The following KITLG variants were observed in gnomAD, a reference collection of about 807,000 sequenced individuals.
KITLG encodes the protein KIT ligand, also known as c-Kit ligand.
A neutral mutation model predicts 34.1 loss-of-function variants in KITLG; 13 were observed. The ratio of observed to expected loss-of-function variants is 0.38; its 90% CI spans 0.25 to 0.61. The LOEUF is 0.61. KITLG is among the 20% of genes least tolerant of loss of function. The pLI is 0.60. For missense variants in KITLG, 292 were observed against 318.9 expected (o/e 0.92, Z 0.64); for synonymous variants, 110 against 104.0 (o/e 1.06, Z -0.35).
At chr12:88,553,607 C>T (rs544767967) in intron 1 of KITLG, among the ~76,000 whole-genome samples, 3 of 152,244 alleles carry the variant, frequency 2.0e-5, no homozygotes, top group African/African-American at 4.8e-5. Flanking sequence ...GGGTAGTTCT[C>T]GATTTTTGTT....
chr12:88,539,191 A>C (rs1566027637), intron 2 of KITLG, among the ~76,000 whole-genome samples: 1 of 152,076 alleles, frequency 6.6e-6, no homozygotes, highest in East Asian at 1.9e-4. Flanking sequence ...GAGGTCCCTA[A>C]ATCTCATGAG....
Position 88,580,321 on chromosome 12 carries a change from C to T in KITLG, c.-43G>A. 6.2e-7 allele frequency: 1 copy of T among 1,609,256 alleles called. No individual in the cohort carries two copies. Among genetic ancestry groups the T allele is most frequent in the Non-Finnish European group, 8.5e-7 (1 of 1,177,612 alleles). ...CGATCCAGCACAAACAGTGGTGTGG[C>T]GACTCCGTTTAGCTGTTCTGGAGCT... On this transcript the variant is annotated 5_prime_UTR_variant, in exon 1 of 10. Transcript: ENST00000644744.
intron 2 of KITLG, chr12:88,534,636 G>C: frequency 4.0e-6 from 2 of 498,876 alleles, no homozygotes; most frequent in South Asian, 3.0e-5. Flanking sequence ...CAAAATGCTG[G>C]GATTACAGTC....
chr12:88,513,407 T>A (rs970586892), intron 6 of KITLG, among the ~76,000 whole-genome samples: 4 of 151,300 alleles, frequency 2.6e-5, no homozygotes, highest in African/African-American at 9.7e-5. Context: ...AGTAAGGAAA[T>A]GGTGGATTAA....
chr12:88,518,065 C>G (rs1190691413), intron 4 of KITLG, among the ~76,000 whole-genome samples: 1 of 152,052 alleles, frequency 6.6e-6, no homozygotes, highest in Non-Finnish European at 1.5e-5. Flanking sequence ...GGCAAATAAC[C>G]TAACGTCGAC....
intron 1 of KITLG, among the ~76,000 whole-genome samples, chr12:88,547,770 T>C (rs1484052586): frequency 2.0e-5 from 3 of 152,190 alleles, no homozygotes; most frequent in Non-Finnish European, 2.9e-5. Flanking sequence ...AGAAATTCTG[T>C]TACTGGTCTT....
At chr12:88,514,823 G>A (rs1188145239) in intron 6 of KITLG, among the ~76,000 whole-genome samples, 3 of 151,580 alleles carry the variant, frequency 2.0e-5, no homozygotes, top group Non-Finnish European at 3.0e-5. Context: ...CCATTTATAA[G>A]TCCTAAGGGA....
intron 1 of KITLG, among the ~76,000 whole-genome samples, chr12:88,548,422 C>T (rs941053415): frequency 6.6e-6 from 1 of 151,262 alleles, no homozygotes. Context: ...CCACTGCACT[C>T]TAGCCTGGCG....
intron 6 of KITLG, among the ~76,000 whole-genome samples, chr12:88,512,513 A>G (rs753561517): frequency 6.6e-6 from 1 of 152,034 alleles, no homozygotes; most frequent in Non-Finnish European, 1.5e-5. Flanking sequence ...CCCAAATTTG[A>G]GGGAAAACAA....
At chr12:88,559,183 A>G (rs1414011291) in intron 1 of KITLG, among the ~76,000 whole-genome samples, 1 of 152,218 alleles carries the variant, frequency 6.6e-6, no homozygotes, top group Non-Finnish European at 1.5e-5. Context: ...CTAAACTATC[A>G]TGGCTGGAAA....
At chr12:88,540,381 T>A (rs532829436) in intron 2 of KITLG, among the ~76,000 whole-genome samples, 2 of 152,306 alleles carry the variant, frequency 1.3e-5, no homozygotes, top group East Asian at 3.9e-4. Context: ...CCACTAGATC[T>A]CAGCTTTCTA....
chr12:88,579,398 G>A (rs1410029425), intron 1 of KITLG, among the ~76,000 whole-genome samples: 1 of 152,116 alleles, frequency 6.6e-6, no homozygotes, highest in African/African-American at 2.4e-5. Context: ...CAATGGTGAA[G>A]AGAACTGTGG....
At chr12:88,567,882 T>C (rs1172024671) in intron 1 of KITLG, among the ~76,000 whole-genome samples, 1 of 152,202 alleles carries the variant, frequency 6.6e-6, no homozygotes, top group Non-Finnish European at 1.5e-5. Flanking sequence ...CTCAAAGTCA[T>C]ACAGTTTGAA....
At chr12:88,560,004 G>A (rs975058708) in intron 1 of KITLG, among the ~76,000 whole-genome samples, 5 of 152,194 alleles carry the variant, frequency 3.3e-5, no homozygotes, top group Non-Finnish European at 7.3e-5. Context: ...ATTTAAAACA[G>A]AGAACGTTAT....
In KITLG at chr12:88,507,036, A is replaced by G. The variant is rs761107987; in HGVS notation, c.706T>C (p.Tyr236His). 3.2e-6 allele frequency: 5 copies of G among 1,569,516 alleles called. No individual in the cohort carries two copies. The highest frequency in any genetic ancestry group is 4.4e-6 in the Non-Finnish European group (5 of 1,139,486). Residue 236 changes from tyrosine (Y) to histidine (H), a missense_variant, in exon 7 of 10, where the codon TAC becomes CAC. Around this residue, in one of 2 missense-constraint regions of KITLG, gnomAD observed 140 missense variants for 111.0 expected, o/e 1.26. Coordinates refer to ENST00000644744, the MANE Select transcript of KITLG (RefSeq NM_000899.5). Reference sequence around the variant, plus strand: ...GGAATGGTACCACTTACCTTCCAGTATAAGGCTCCAAAAGCAAAGCCAATT... The same window carrying G: ...GGAATGGTACCACTTACCTTCCAGTGTAAGGCTCCAAAAGCAAAGCCAATT... ...LIIGFAFGAL[Y>H]WKKRQPSLTR... is the part of the protein sequence containing the mutation.
At position 88,520,285 on chromosome 12, in the gene KITLG, C is replaced by G. The variant is rs1464055271; in HGVS notation, c.193-1418G>C. Among the ~76,000 whole-genome samples the G allele has an allele frequency of 3.9e-5, 6 of 152,308 alleles. 1 individual carries two copies. Among genetic ancestry groups the G allele is most frequent in the African/African-American group, 1.4e-4 (6 of 41,582 alleles). On this transcript the variant is annotated intron_variant, in intron 3 of 9. Transcript: ENST00000644744. ...TCCTACTTGCATCATTATCAGGTCT[C>G]TTTCAAAGCTGTCAGTCTTTCCTTG...
chr12:88,500,069 G>A (rs1233607268), intron 9 of KITLG, among the ~76,000 whole-genome samples: 2 of 152,082 alleles, frequency 1.3e-5, no homozygotes, highest in South Asian at 2.1e-4. Context: ...TTCTCAAACC[G>A]ATGCTCACCC....
chr12:88,568,905 G>A (rs1403983352), intron 1 of KITLG, among the ~76,000 whole-genome samples: 1 of 152,168 alleles, frequency 6.6e-6, no homozygotes, highest in African/African-American at 2.4e-5. Context: ...CCATTTTACA[G>A]AAGTTTAAGA....
At chr12:88,525,434 G>A (rs969885554) in intron 3 of KITLG, among the ~76,000 whole-genome samples, 50 of 152,204 alleles carry the variant, frequency 3.3e-4, no homozygotes, top group African/African-American at 1.1e-3. Flanking sequence ...ATTTTTTGAG[G>A]AGCGACTATA....
Sources: gnomAD v4.1 joint callset for allele counts (sites outside exome capture counted in the v4.1 genomes callset) on GRCh38, gnomAD v4.1.1 for gene constraint, gnomAD v4.1.1 regional missense constraint, MANE v1.5 for transcripts, NCBI Gene and HGNC (gene_info 2026-07-23, HGNC 2026-07-21) for gene names.